MAF: variants seen among roughly 807,000 people sequenced by gnomAD.
The protein encoded by MAF is transcription factor Maf.
A neutral mutation model predicts 22.0 loss-of-function variants in MAF; 10 were observed. That is an observed-to-expected ratio of 0.45 (90% confidence interval 0.28 to 0.77). MAF has a LOEUF of 0.77. MAF is among the 30% of genes least tolerant of loss of function. The pLI is 0.12. For synonymous variants in MAF, 337 were observed against 255.8 expected, an observed-to-expected ratio of 1.32 and a Z score of -3.03; for missense variants, 544 against 548.4, an observed-to-expected ratio of 0.99 and a Z score of 0.08.
the MAF span, among the ~76,000 whole-genome samples, chr16:79,449,209 G>A: frequency 2.6e-5 from 4 of 152,144 alleles, no homozygotes; most frequent in Non-Finnish European, 4.4e-5. Context: ...GCCAAGTGAC[G>A]AGGAGTGGCT....
chr16:79,304,480 T>C, the MAF span, among the ~76,000 whole-genome samples: 3 of 152,344 alleles, frequency 2.0e-5, no homozygotes, highest in Non-Finnish European at 4.4e-5. Context: ...GATGGTTTGT[T>C]TTACCATTAA....
chr16:79,497,072 C>G, the MAF span, among the ~76,000 whole-genome samples: 9 of 152,290 alleles, frequency 5.9e-5, no homozygotes, highest in African/African-American at 2.2e-4. Context: ...TCCCAACTCT[C>G]TTAAGTCATT....
chr16:79,262,674 C>T, the MAF span, among the ~76,000 whole-genome samples: 2 of 152,148 alleles, frequency 1.3e-5, no homozygotes, highest in African/African-American at 2.4e-5. Flanking sequence ...CTTACAGTTC[C>T]TTCTGTAAGA....
chr16:79,421,842 A>G, the MAF span, among the ~76,000 whole-genome samples: 1 of 152,110 alleles, frequency 6.6e-6, no homozygotes, highest in African/African-American at 2.4e-5. Context: ...CAGTGGCACA[A>G]TCTCAGCTCA....
chr16:79,260,376 TC>T, the MAF span, among the ~76,000 whole-genome samples: 2 of 152,162 alleles, frequency 1.3e-5, no homozygotes, highest in Non-Finnish European at 2.9e-5. Flanking sequence ...GGTCTTGAAA[TC>T]CTGGGATCCA....
chr16:79,372,646 C>T, the MAF span, among the ~76,000 whole-genome samples: 1 of 152,142 alleles, frequency 6.6e-6, no homozygotes, highest in African/African-American at 2.4e-5. Context: ...GGGTGAGCCC[C>T]CAGCAGGCTC....
the MAF span, chr16:79,264,674 T>A: frequency 2.6e-5 from 4 of 152,184 alleles, no homozygotes; most frequent in Non-Finnish European, 5.9e-5. Context: ...TTGGGAGATG[T>A]CTTTCTCCAG....
At chr16:79,563,171 G>C in the MAF span, among the ~76,000 whole-genome samples, 3 of 152,152 alleles carry the variant, frequency 2.0e-5, no homozygotes, top group Non-Finnish European at 2.9e-5. Flanking sequence ...AGACACCAAA[G>C]CTAAACCTCA....
chr16:79,566,772 T>C, the MAF span, among the ~76,000 whole-genome samples: 4 of 152,182 alleles, frequency 2.6e-5, no homozygotes, highest in Non-Finnish European at 4.4e-5. Context: ...TCCCGACTCC[T>C]TCCACACTTC....
chr16:79,240,750 G>A, the MAF span, among the ~76,000 whole-genome samples: 1 of 151,814 alleles, frequency 6.6e-6, no homozygotes, highest in Non-Finnish European at 1.5e-5. Flanking sequence ...TCCTGTTTGG[G>A]AGACACCTCC....
At chr16:79,448,732 T>C in the MAF span, among the ~76,000 whole-genome samples, 1 of 151,508 alleles carries the variant, frequency 6.6e-6, no homozygotes, top group Non-Finnish European at 1.5e-5. Context: ...GCCTGAAGCA[T>C]TTTAAATTAA....
the MAF span, among the ~76,000 whole-genome samples, chr16:79,500,671 G>A: frequency 1.3e-5 from 2 of 152,140 alleles, no homozygotes; most frequent in South Asian, 4.2e-4. Context: ...TATGCTCCCT[G>A]GGAAGCATTC....
the MAF span, among the ~76,000 whole-genome samples, chr16:79,288,381 C>T: frequency 6.6e-6 from 1 of 152,090 alleles, no homozygotes; most frequent in Admixed American, 6.5e-5. Flanking sequence ...ATAAGAATCC[C>T]GAGGCTGCCA....
At chr16:79,279,086 C>T in the MAF span, among the ~76,000 whole-genome samples, 2 of 152,206 alleles carry the variant, frequency 1.3e-5, no homozygotes, top group East Asian at 3.9e-4. Flanking sequence ...CCTCCAGCTG[C>T]TCCGGAGGTA....
the MAF span, among the ~76,000 whole-genome samples, chr16:79,483,813 C>T: frequency 1.3e-5 from 2 of 152,126 alleles, no homozygotes; most frequent in Non-Finnish European, 2.9e-5. Context: ...ATAAGGTCTC[C>T]ATCCTGTGAG....
At chr16:79,324,714 G>A in the MAF span, among the ~76,000 whole-genome samples, 2 of 152,206 alleles carry the variant, frequency 1.3e-5, no homozygotes, top group Admixed American at 1.3e-4. Context: ...AGTCAGACGG[G>A]CACTCCTGGA....
chr16:79,246,104 G>A, the MAF span, among the ~76,000 whole-genome samples: 17 of 152,118 alleles, frequency 1.1e-4, no homozygotes, highest in Non-Finnish European at 2.1e-4. Context: ...AATACCTAAT[G>A]TAGATGACGG....
the MAF span, among the ~76,000 whole-genome samples, chr16:79,384,752 G>A: frequency 1.3e-5 from 2 of 152,002 alleles, no homozygotes; most frequent in Admixed American, 6.6e-5. Context: ...GAGAGACTCT[G>A]TCTCAAAAAA....
the MAF span, among the ~76,000 whole-genome samples, chr16:79,432,442 C>G: frequency 6.6e-6 from 1 of 152,024 alleles, no homozygotes; most frequent in Non-Finnish European, 1.5e-5. Context: ...ATAAATTAGG[C>G]ACAGAAGTAG....
Sources: gnomAD v4.1 joint callset for allele counts (sites outside exome capture counted in the v4.1 genomes callset) on GRCh38, gnomAD v4.1.1 for gene constraint, MANE v1.5 for transcripts, NCBI Gene and HGNC (gene_info 2026-07-23, HGNC 2026-07-21) for gene names.